The following DCDC2 variants were observed in gnomAD, a reference collection of about 807,000 sequenced individuals.
DCDC2 encodes the protein doublecortin domain-containing protein 2.
In DCDC2, 40 loss-of-function variants were observed where a neutral mutation model predicts 50.2. The observed-to-expected ratio is 0.80, with a 90% CI of 0.62 to 1.04. DCDC2 has a LOEUF of 1.04. DCDC2 is among the 50% of genes least tolerant of loss of function. DCDC2 has a pLI of 0.00. For synonymous variants in DCDC2, 234 were observed against 210.6 expected (o/e 1.11, Z -0.96); for missense variants, 570 against 581.9 (o/e 0.98, Z 0.21).
chr6:24,294,189 T>C (rs1402735503), intron 4 of DCDC2, among the ~76,000 whole-genome samples: 3 of 152,066 alleles, frequency 2.0e-5, no homozygotes, highest in Non-Finnish European at 4.4e-5. Context: ...AAACCCCGTC[T>C]CTACAAAAAA....
At chr6:24,279,953 A>T (rs1763436554) in intron 6 of DCDC2, among the ~76,000 whole-genome samples, 1 of 152,226 alleles carries the variant, frequency 6.6e-6, no homozygotes, top group African/African-American at 2.4e-5. Flanking sequence ...AAGAGCAGAG[A>T]GTTAATATTT....
At chr6:24,217,809 T>C (rs1392699120) in intron 7 of DCDC2, among the ~76,000 whole-genome samples, 6 of 152,218 alleles carry the variant, frequency 3.9e-5, no homozygotes, top group African/African-American at 1.4e-4. Flanking sequence ...GATACCTTGC[T>C]CAAGATATAA....
At chr6:24,304,495 A>C (rs1220216265) in intron 2 of DCDC2, among the ~76,000 whole-genome samples, 2 of 152,226 alleles carry the variant, frequency 1.3e-5, no homozygotes, top group African/African-American at 2.4e-5. Context: ...AAGAAAAAAT[A>C]AAATAAAATG....
intron 7 of DCDC2, among the ~76,000 whole-genome samples, chr6:24,262,932 C>G (rs1159526582): frequency 6.6e-6 from 1 of 152,234 alleles, no homozygotes; most frequent in East Asian, 1.9e-4. Flanking sequence ...CAGTGTTGCC[C>G]TGGCTTTAGG....
intron 7 of DCDC2, among the ~76,000 whole-genome samples, chr6:24,209,911 C>T (rs1052181548): frequency 6.6e-6 from 1 of 152,158 alleles, no homozygotes; most frequent in Non-Finnish European, 1.5e-5. Flanking sequence ...TCTTCTATAA[C>T]AGCACCCCAG....
intron 7 of DCDC2, among the ~76,000 whole-genome samples, chr6:24,208,635 G>T (rs189943919): frequency 6.2e-4 from 94 of 152,248 alleles, no homozygotes; most frequent in East Asian, 4.6e-3. Context: ...CTCCCAAAGT[G>T]CTGGGATTAC....
intron 8 of DCDC2, among the ~76,000 whole-genome samples, chr6:24,203,210 G>T (rs1312961091): frequency 6.6e-6 from 1 of 152,148 alleles, no homozygotes; most frequent in African/African-American, 2.4e-5. Flanking sequence ...AAAGCTGGAG[G>T]CATCATGCTA....
chr6:24,205,338 C>G (rs550925283), intron 7 of DCDC2: 7 of 1,508,276 alleles, frequency 4.6e-6, no homozygotes, highest in Non-Finnish European at 6.2e-6. Flanking sequence ...AAAGTTCTGT[C>G]GAAGCTCCTG....
rs551374870 is a variant in DCDC2, at chr6:24,178,407, G to A, written c.1249C>T (p.Gln417Ter). ...AGTTGAAGCTCATTATTAACCTGCT[G>A]CAGCTCCTCACCATTCTCCTCATCG... ...GTDEENGEEL[Q>*]QVNNELQLVL... The change falls in exon 9 of 10, where the codon CAG becomes TAG. Residue 417 changes from glutamine (Q) to a stop codon, truncating the protein, a stop_gained. Transcript: ENST00000378454. LOFTEE classifies it high-confidence loss of function. 2 of 1,614,156 alleles carry A rather than the reference G, an allele frequency of 1.2e-6. No individual in the cohort carries two copies. The highest frequency in any genetic ancestry group is 2.7e-5 in the African/African-American group (2 of 75,024).
chr6:24,285,312 T>C (rs1458108758), intron 6 of DCDC2, among the ~76,000 whole-genome samples: 1 of 152,232 alleles, frequency 6.6e-6, no homozygotes, highest in African/African-American at 2.4e-5. Context: ...GATGCAAATA[T>C]ACCTTATAAC....
intron 4 of DCDC2, among the ~76,000 whole-genome samples, chr6:24,294,941 G>A (rs1763830328): frequency 6.6e-6 from 1 of 151,988 alleles, no homozygotes; most frequent in South Asian, 2.1e-4. Context: ...AATTGAGGAG[G>A]AGGAACTCCT....
intron 2 of DCDC2, among the ~76,000 whole-genome samples, chr6:24,334,641 C>G (rs1760024138): frequency 6.6e-6 from 1 of 152,138 alleles, no homozygotes; most frequent in Non-Finnish European, 1.5e-5. Flanking sequence ...CTAAAGGAAA[C>G]AGAAATTGTG....
chr6:24,289,046 A>G (rs1170342608), intron 5 of DCDC2, 140 bp from the exon 6 acceptor site: 2 of 561,940 alleles, frequency 3.6e-6, no homozygotes, highest in East Asian at 6.2e-5. Flanking sequence ...ACTTTAACAC[A>G]TACTTTCCCA....
intron 7 of DCDC2, among the ~76,000 whole-genome samples, chr6:24,254,429 C>A (rs1216259444): frequency 2.0e-5 from 3 of 152,140 alleles, no homozygotes; most frequent in African/African-American, 7.2e-5. Flanking sequence ...ACCACAAACA[C>A]ATGACTAATG....
intron 2 of DCDC2, among the ~76,000 whole-genome samples, chr6:24,343,376 A>T (rs1312609311): frequency 1.3e-5 from 2 of 152,160 alleles, no homozygotes. Context: ...ATGTAAAATC[A>T]TGCATGAGCA....
At chr6:24,274,761 A>G (rs1282837020) in intron 7 of DCDC2, among the ~76,000 whole-genome samples, 3 of 152,020 alleles carry the variant, frequency 2.0e-5, no homozygotes, top group African/African-American at 7.2e-5. Flanking sequence ...AAAATAACGA[A>G]AAAATATGTG....
chr6:24,373,708 G>C, the DCDC2 span, among the ~76,000 whole-genome samples: 1 of 152,192 alleles, frequency 6.6e-6, no homozygotes, highest in Non-Finnish European at 1.5e-5. Flanking sequence ...GAGCCAGGGG[G>C]AGTGGTACGT....
intron 8 of DCDC2, among the ~76,000 whole-genome samples, chr6:24,188,393 T>C (rs773124372): frequency 1.3e-5 from 2 of 148,176 alleles, no homozygotes; most frequent in Non-Finnish European, 3.1e-5. Context: ...TGGAAGACAA[T>C]GGAAGGACTG....
chr6:24,373,923 G>T, the DCDC2 span, among the ~76,000 whole-genome samples: 1 of 152,274 alleles, frequency 6.6e-6, no homozygotes, highest in African/African-American at 2.4e-5. Flanking sequence ...AGCACTTTGG[G>T]AGTCCGATGC....
Sources: gnomAD v4.1 joint callset for allele counts (sites outside exome capture counted in the v4.1 genomes callset) on GRCh38, gnomAD v4.1.1 for gene constraint, MANE v1.5 for transcripts, NCBI Gene and HGNC (gene_info 2026-07-23, HGNC 2026-07-21) for gene names.